Variants in C10orf90 observed in about 807,000 individuals in gnomAD.
C10orf90 encodes (E2-independent) E3 ubiquitin-conjugating enzyme FATS.
Under a neutral mutation model 62.5 loss-of-function variants are expected in C10orf90, and 56 were observed. The ratio of observed to expected loss-of-function variants is 0.90; its 90% confidence interval spans 0.72 to 1.12. The LOEUF (loss-of-function observed/expected upper bound fraction) is 1.12. Ranked by LOEUF, C10orf90 falls within the 50% of genes most tolerant of loss-of-function variation. The pLI, the probability that C10orf90 is intolerant of heterozygous loss-of-function variation, is 0.00. For synonymous variants in C10orf90, 386 were observed against 340.4 expected (o/e 1.13, Z -1.47); for missense variants, 970 against 880.4 (o/e 1.10, Z -1.29).
intron 2 of C10orf90, among the ~76,000 whole-genome samples, chr10:126,561,907 G>C (rs1380898949): frequency 1.3e-5 from 2 of 152,218 alleles, no homozygotes; most frequent in Non-Finnish European, 1.5e-5. Flanking sequence ...CCCCCACTGA[G>C]AGATGAATTA....
intron 2 of C10orf90, among the ~76,000 whole-genome samples, chr10:126,543,359 C>T (rs921124926): frequency 1.3e-5 from 2 of 152,088 alleles, no homozygotes; most frequent in African/African-American, 4.8e-5. Context: ...TCGAGAGGAG[C>T]AATGAAGTTA....
At chr10:126,484,048 G>A (rs922454642) in intron 4 of C10orf90, among the ~76,000 whole-genome samples, 2 of 152,110 alleles carry the variant, frequency 1.3e-5, no homozygotes, top group African/African-American at 4.8e-5. Flanking sequence ...TGTCATTGCT[G>A]GTAGACCTTC....
chr10:126,451,383 G>A (rs375924688), intron 7 of C10orf90, among the ~76,000 whole-genome samples: 4 of 152,108 alleles, frequency 2.6e-5, no homozygotes, highest in African/African-American at 4.8e-5. Flanking sequence ...TCCTGTGTTC[G>A]TTGCGGTATT....
At chr10:126,623,767 G>C (rs753726810) in intron 2 of C10orf90, among the ~76,000 whole-genome samples, 3 of 149,148 alleles carry the variant, frequency 2.0e-5, no homozygotes, top group African/African-American at 7.5e-5. Flanking sequence ...CTTGAACCCA[G>C]TAGGCAGAGG....
Position 126,619,496 on chromosome 10 carries a change from A to G in C10orf90, c.313+27069T>C, listed in dbSNP as rs971060962. Among the ~76,000 whole-genome samples, 4 of 152,232 alleles carry G rather than the reference A, an allele frequency of 2.6e-5. No individual in the cohort carries two copies. The East Asian group carries it at 7.7e-4, about 29-fold the overall frequency. The stretch of plus-strand genomic sequence containing the variant: ...TTTACCTTCTGGTGGGTGATAACTC[A>G]TCAAAGTTTTAATTTGCATTTCCTT... On this transcript the variant is annotated intron_variant, in intron 2 of 9. Transcript: ENST00000488181.
chr10:126,504,202 T>C lies in C10orf90; in HGVS notation c.1289A>G (p.Gln430Arg), dbSNP rs780928307. 6.8e-6 allele frequency: 11 copies of C among 1,614,154 alleles called. No individual in the cohort carries two copies. The highest frequency in any genetic ancestry group is 4.0e-5 in the African/African-American group (3 of 75,050). The change falls in exon 4 of 10, where the codon CAG becomes CGG. Residue 430 changes from glutamine (Q) to arginine (R), a missense_variant. Gln to Arg is a conservative substitution (Grantham distance 43). Coordinates refer to ENST00000488181, the MANE Select transcript of C10orf90 (RefSeq NM_001350921.2). The surrounding 1 kb of genome is among the most constrained non-coding windows in gnomAD (Gnocchi z 4.1). ...LLEGDQDLVGQRWNPGLQESH... is the reference protein window; with the variant it reads ...LLEGDQDLVGRRWNPGLQESH... ...TTCTTGTAAACCTGGGTTCCAGCGC[T>C]GGCCTACGAGGTCCTGGTCTCCCTC...
At chr10:126,642,099 T>C (rs1369783823) in intron 2 of C10orf90, among the ~76,000 whole-genome samples, 3 of 152,150 alleles carry the variant, frequency 2.0e-5, no homozygotes, top group African/African-American at 2.4e-5. Flanking sequence ...TCACTGAAGT[T>C]TAGAGCAGCT....
chr10:126,660,325 GC>G (rs930913953), intron 1 of C10orf90, among the ~76,000 whole-genome samples: 3 of 152,224 alleles, frequency 2.0e-5, no homozygotes, highest in Non-Finnish European at 4.4e-5. Flanking sequence ...TATCAGACAG[GC>G]CTGACCTAGT....
intron 2 of C10orf90, among the ~76,000 whole-genome samples, chr10:126,636,322 G>T (rs1238358795): frequency 6.6e-6 from 1 of 152,192 alleles, no homozygotes; most frequent in Non-Finnish European, 1.5e-5. Context: ...ACCAAGGGGA[G>T]TTAAGGGCAA....
intron 2 of C10orf90, among the ~76,000 whole-genome samples, chr10:126,560,264 G>A (rs571032014): frequency 3.3e-5 from 5 of 152,166 alleles, no homozygotes; most frequent in Admixed American, 6.5e-5. Context: ...CCAGTGATCC[G>A]AGTCTTCATT....
chr10:126,565,780 C>T (rs975111378), intron 2 of C10orf90, among the ~76,000 whole-genome samples: 4 of 152,102 alleles, frequency 2.6e-5, no homozygotes, highest in Non-Finnish European at 5.9e-5. Flanking sequence ...GGCCACATTC[C>T]TCTCTCAAAG....
chr10:126,562,871 C>T (rs561003745), intron 2 of C10orf90, among the ~76,000 whole-genome samples: 14 of 152,348 alleles, frequency 9.2e-5, no homozygotes, highest in Non-Finnish European at 1.6e-4. Context: ...AGGCTGCACT[C>T]GCACACAGCG....
intron 2 of C10orf90, among the ~76,000 whole-genome samples, chr10:126,626,818 G>C (rs1294095813): frequency 6.6e-6 from 1 of 152,122 alleles, no homozygotes; most frequent in Non-Finnish European, 1.5e-5. Flanking sequence ...TTAAGTGAAG[G>C]TGTAACTTTC....
chr10:126,505,465 C>A (rs1862679636), intron 3 of C10orf90, among the ~76,000 whole-genome samples: 1 of 152,152 alleles, frequency 6.6e-6, no homozygotes, highest in Non-Finnish European at 1.5e-5. Context: ...CTGGAGGTGG[C>A]TGGAACTTGG....
rs541377679 is a variant in C10orf90 at position 126,657,925 on chromosome 10, T to C, written c.241-11288A>G. On this transcript the variant is annotated intron_variant, in intron 1 of 9. Transcript: ENST00000488181. ...GCCACTGTGCCCAGCTACCAATACT[T>C]TGTCTTTGAACTTGTGTTTTGTGGC... Among the ~76,000 whole-genome samples the C allele has an allele frequency of 9.3e-4, 141 of 152,248 alleles. 1 individual carries two copies. Among genetic ancestry groups the C allele is most frequent in the Non-Finnish European group, 5.9e-5 (4 of 68,020 alleles).
At chr10:126,548,076 C>T (rs931237659) in intron 2 of C10orf90, among the ~76,000 whole-genome samples, 2 of 151,980 alleles carry the variant, frequency 1.3e-5, no homozygotes, top group African/African-American at 4.8e-5. Flanking sequence ...AAAAAATCTA[C>T]ACCAAGACAC....
chr10:126,483,878 C>T (rs1264291206), intron 4 of C10orf90, among the ~76,000 whole-genome samples: 2 of 152,104 alleles, frequency 1.3e-5, no homozygotes, highest in Non-Finnish European at 2.9e-5. Flanking sequence ...TGTCATTCTC[C>T]AAGACTGTGC....
rs890833516 is a variant in C10orf90, at chr10:126,646,615, G to A, written c.263C>T (p.Ser88Phe). The change falls in exon 2 of 10, where the codon TCC becomes TTC. Residue 88 changes from serine to phenylalanine, a missense_variant. By Grantham distance (155) the Ser-to-Phe change is radical (BLOSUM62 -2). Transcript: ENST00000488181. ...RYEIHSRLFS[S>F]PKDHSAWERN... ...TTCCCAGGCAGAATGATCTTTGGGG[G>A]ATGAGAAGAGTCGACTGTGGATCTA... 2 of 448,034 alleles carry A rather than the reference G, an allele frequency of 4.5e-6. No individual in the cohort carries two copies. The highest frequency in any genetic ancestry group is 2.0e-5 in the African/African-American group (1 of 49,674). 27.8% of individuals were successfully genotyped at this position (448,034 alleles called of 1,614,324 possible). A position where few individuals can be genotyped will look rare whatever the true frequency, so the allele number is the denominator to read the frequency against.
chr10:126,596,650 C>A (rs1255136868), intron 2 of C10orf90, among the ~76,000 whole-genome samples: 1 of 152,168 alleles, frequency 6.6e-6, no homozygotes, highest in Admixed American at 6.5e-5. Flanking sequence ...AGTCATCTGA[C>A]ACAAAGCCTA....
Sources: allele counts gnomAD v4.1 joint callset (sites outside exome capture counted in the v4.1 genomes callset), GRCh38; gene constraint gnomAD v4.1.1; non-coding constraint Gnocchi (gnomAD v3.1); transcripts MANE v1.5; gene names NCBI Gene and HGNC (gene_info 2026-07-23, HGNC 2026-07-21).